Variants in FHIT observed in about 807,000 individuals in gnomAD.
FHIT encodes the protein fragile histidine triad diadenosine triphosphatase.
A neutral mutation model predicts 17.9 loss-of-function variants in FHIT; 19 were observed. The ratio of observed to expected loss-of-function variants is 1.06; its 90% CI spans 0.74 to 1.56. The LOEUF is 1.56. Ranked by LOEUF, FHIT falls within the 40% of genes most tolerant of loss-of-function variation. FHIT has a pLI of 0.00. For missense variants in FHIT, 248 were observed against 189.2 expected (o/e 1.31, Z -1.82); for synonymous variants, 81 against 69.7 (o/e 1.16, Z -0.81).
intron 5 of FHIT, among the ~76,000 whole-genome samples, chr3:60,462,642 G>C (rs1216588614): frequency 6.6e-6 from 1 of 152,188 alleles, no homozygotes; most frequent in African/African-American, 2.4e-5. Context: ...AAAGGGCTTG[G>C]AGAGCAGGAG....
At chr3:60,271,677 A>G (rs1395548156) in intron 5 of FHIT, among the ~76,000 whole-genome samples, 1 of 152,206 alleles carries the variant, frequency 6.6e-6, no homozygotes, top group Non-Finnish European at 1.5e-5. Flanking sequence ...AATTCACTTC[A>G]ACACATCACT....
At chr3:60,095,870 G>A (rs985591220) in intron 5 of FHIT, among the ~76,000 whole-genome samples, 1 of 152,160 alleles carries the variant, frequency 6.6e-6, no homozygotes, top group Non-Finnish European at 1.5e-5. Context: ...GAATATTACT[G>A]AGCCACCACC....
rs192416417 is a variant in FHIT at position 60,749,292 on chromosome 3, G to C, written c.-18+72627C>G. Reference sequence around the variant, plus strand: ...AGTTTCTGCTATTAGTCAAATAAGAGAAGCTCTGAGACGGTTTTTTTTCCG... The same window carrying C: ...AGTTTCTGCTATTAGTCAAATAAGACAAGCTCTGAGACGGTTTTTTTTCCG... On this transcript the variant is annotated intron_variant, in intron 4 of 9. Transcript: ENST00000492590. Among the ~76,000 whole-genome samples the C allele has an allele frequency of 8.9e-4, 111 of 125,222 alleles. 1 individual carries two copies. Among genetic ancestry groups the C allele is most frequent in the Non-Finnish European group, 9.1e-4 (55 of 60,302 alleles). The allele number at this position is 125,222 out of a possible 152,430, so 82.2% of individuals were successfully genotyped here.
At chr3:59,896,033 T>G (rs1704054299) in intron 8 of FHIT, among the ~76,000 whole-genome samples, 1 of 152,188 alleles carries the variant, frequency 6.6e-6, no homozygotes, top group Non-Finnish European at 1.5e-5. Context: ...TCAGAGAAAT[T>G]TTTTGACTGC....
At chr3:60,412,718 G>C (rs1232429407) in intron 5 of FHIT, among the ~76,000 whole-genome samples, 1 of 152,178 alleles carries the variant, frequency 6.6e-6, no homozygotes, top group Non-Finnish European at 1.5e-5. Flanking sequence ...GTTTGGCTCT[G>C]TGTCCCCACC....
At chr3:60,284,841 G>A (rs899280341) in intron 5 of FHIT, among the ~76,000 whole-genome samples, 2 of 152,042 alleles carry the variant, frequency 1.3e-5, no homozygotes, top group East Asian at 1.9e-4. Context: ...GTTCAATACT[G>A]TACTAGAATT....
At chr3:60,320,296 G>A (rs756471931) in intron 5 of FHIT, among the ~76,000 whole-genome samples, 7 of 152,126 alleles carry the variant, frequency 4.6e-5, no homozygotes, top group East Asian at 1.9e-4. Context: ...TGGGGGTGGC[G>A]CAGGATAGCG....
chr3:60,774,322 T>C (rs934042243), intron 4 of FHIT, among the ~76,000 whole-genome samples: 1 of 152,180 alleles, frequency 6.6e-6, no homozygotes, highest in African/African-American at 2.4e-5. Context: ...CTTTTTGAGA[T>C]GGAGTTCCAT....
At chr3:60,935,125 TA>T (rs1342567291) in intron 3 of FHIT, among the ~76,000 whole-genome samples, 5 of 152,158 alleles carry the variant, frequency 3.3e-5, no homozygotes, top group Non-Finnish European at 5.9e-5. Context: ...GAAGAAAATT[TA>T]CAAAAAAATC....
chr3:60,333,662 T>C (rs932189349), intron 5 of FHIT, among the ~76,000 whole-genome samples: 1 of 152,232 alleles, frequency 6.6e-6, no homozygotes, highest in African/African-American at 2.4e-5. Flanking sequence ...TTCCTACATA[T>C]TGAAACCAAC....
At chr3:60,854,116 C>A (rs1261144926) in intron 3 of FHIT, among the ~76,000 whole-genome samples, 3 of 152,052 alleles carry the variant, frequency 2.0e-5, no homozygotes, top group African/African-American at 7.2e-5. Flanking sequence ...GTGGTTCCTC[C>A]AAATCATCTG....
intron 5 of FHIT, among the ~76,000 whole-genome samples, chr3:60,499,773 T>C (rs1329642359): frequency 2.6e-5 from 4 of 152,136 alleles, no homozygotes; most frequent in African/African-American, 4.8e-5. Flanking sequence ...TGGCTGCCCA[T>C]TGTCCCACAA....
chr3:60,332,036 T>C (rs948397396), intron 5 of FHIT, among the ~76,000 whole-genome samples: 2 of 152,076 alleles, frequency 1.3e-5, no homozygotes, highest in African/African-American at 4.8e-5. Flanking sequence ...ACAAGGGAGC[T>C]GCAAACTAGA....
Position 59,922,377 on chromosome 3 carries a change from T to G in FHIT, c.317A>C (p.Asp106Ala). Residue 106 changes from aspartate (D) to alanine (A), a missense_variant, in exon 8 of 10, where the codon GAC becomes GCC. Asp to Ala is a moderately radical substitution (Grantham distance 126, BLOSUM62 -2). Transcript: ENST00000492590. ...ATAGATGCTGTCATTCCTGTGAAAG[T>G]CTCCAGCCTTCCTGGGAAGAACATG... ...HVHVLPRKAG[D>A]FHRNDSIYEE... The G allele has an allele frequency of 1.9e-6, 3 of 1,613,832 alleles. No homozygotes were observed. The highest frequency in any genetic ancestry group is 2.5e-6 in the Non-Finnish European group (3 of 1,179,938).
At chr3:60,545,200 A>C (rs1256929512) in intron 4 of FHIT, among the ~76,000 whole-genome samples, 1 of 152,056 alleles carries the variant, frequency 6.6e-6, no homozygotes, top group Non-Finnish European at 1.5e-5. Context: ...TATAATCTGT[A>C]ATTATCTCTT....
intron 3 of FHIT, among the ~76,000 whole-genome samples, chr3:60,907,801 A>C (rs990723443): frequency 3.3e-5 from 5 of 152,204 alleles, no homozygotes; most frequent in South Asian, 2.1e-4. Flanking sequence ...GCATATTTTG[A>C]ATGCTCACTG....
chr3:61,098,984 C>T (rs1159921726), intron 2 of FHIT, among the ~76,000 whole-genome samples: 2 of 152,120 alleles, frequency 1.3e-5, no homozygotes, highest in Non-Finnish European at 1.5e-5. Context: ...GAGAGGGCAT[C>T]GTTGTCTTAT....
chr3:60,607,682 T>C (rs1250416863), intron 4 of FHIT, among the ~76,000 whole-genome samples: 1 of 152,116 alleles, frequency 6.6e-6, no homozygotes, highest in African/African-American at 2.4e-5. Flanking sequence ...CCTTCAATTA[T>C]TCCCTCTTCT....
intron 8 of FHIT, among the ~76,000 whole-genome samples, chr3:59,780,044 A>G (rs1052882764): frequency 1.3e-4 from 20 of 152,186 alleles, no homozygotes; most frequent in African/African-American, 4.3e-4. Flanking sequence ...AGTCCATTTT[A>G]CCCCTCTTCC....
Sources: allele counts gnomAD v4.1 joint callset (sites outside exome capture counted in the v4.1 genomes callset), GRCh38; gene constraint gnomAD v4.1.1; transcripts MANE v1.5; gene names NCBI Gene and HGNC (gene_info 2026-07-23, HGNC 2026-07-21).